PODXL2: variants seen among roughly 807,000 people sequenced by gnomAD.
PODXL2 encodes the protein podocalyxin like 2.
A neutral mutation model predicts 53.4 loss-of-function variants in PODXL2; 17 were observed. The ratio of observed to expected loss-of-function variants is 0.32; its 90% CI spans 0.22 to 0.48. The LOEUF (loss-of-function observed/expected upper bound fraction) is 0.48, where lower values mean the gene tolerates loss of function less well. Among genes scored for constraint, PODXL2 ranks in the 20% least tolerant of loss-of-function variants. The pLI is 0.99. For synonymous variants in PODXL2, 311 were observed against 306.7 expected, an observed-to-expected ratio of 1.01 and a Z score of -0.15; for missense variants, 673 against 760.0, an observed-to-expected ratio of 0.89 and a Z score of 1.35.
intron 2 of PODXL2, among the ~76,000 whole-genome samples, chr3:127,654,036 G>T (rs1474167116): frequency 6.6e-6 from 1 of 151,690 alleles, no homozygotes; most frequent in Non-Finnish European, 1.5e-5. Flanking sequence ...TTCAAACTTT[G>T]CCAGTTTTCC....
chr3:127,640,655 C>T (rs964992656), intron 2 of PODXL2, among the ~76,000 whole-genome samples: 2 of 151,714 alleles, frequency 1.3e-5, no homozygotes, highest in East Asian at 1.9e-4. Context: ...GAGCTGAGAT[C>T]GCACCACTGC....
intron 6 of PODXL2, among the ~76,000 whole-genome samples, chr3:127,670,004 T>C (rs2074822004): frequency 5.9e-5 from 9 of 152,240 alleles, no homozygotes; most frequent in Admixed American, 5.9e-4. Flanking sequence ...CTGCCATTTT[T>C]GGCAGGAGAG....
chr3:127,643,610 T>G (rs2074634850), intron 2 of PODXL2, among the ~76,000 whole-genome samples: 1 of 151,464 alleles, frequency 6.6e-6, no homozygotes, highest in Non-Finnish European at 1.5e-5. Context: ...CCTTCTATTC[T>G]TTTTTTTTAA....
intron 1 of PODXL2, among the ~76,000 whole-genome samples, chr3:127,631,144 T>C (rs1448948397): frequency 6.6e-6 from 1 of 152,120 alleles, no homozygotes; most frequent in African/African-American, 2.4e-5. Flanking sequence ...TCTCAGGTGC[T>C]TACAGAGTGG....
In PODXL2 at chr3:127,660,670, C is replaced by G. The variant is rs1458005048; in HGVS notation, c.642C>G (p.Thr214=). 6.2e-7 allele frequency: 1 copy of G among 1,614,164 alleles called. No individual in the cohort carries two copies. The highest frequency in any genetic ancestry group is 8.5e-7 in the Non-Finnish European group (1 of 1,180,034). The change falls in exon 3 of 8, where the codon ACC becomes ACG. Residue 214 remains threonine, a synonymous_variant. Transcript: ENST00000342480. ...TTTCTCTCACCAGCAGCAGCCAGAC[C>G]CCAGGGGCCACCAAAAGCAGGCATG... ...RDFSLTSSSQ[T]PGATKSRHED...
At chr3:127,646,839 G>A (rs145261605) in intron 2 of PODXL2, among the ~76,000 whole-genome samples, 49 of 152,308 alleles carry the variant, frequency 3.2e-4, no homozygotes, top group African/African-American at 1.0e-3. Context: ...TGGCAGAGCC[G>A]AATCTGGAGT....
intron 4 of PODXL2, among the ~76,000 whole-genome samples, chr3:127,665,592 A>G (rs2074791504): frequency 2.0e-5 from 3 of 152,260 alleles, no homozygotes; most frequent in Admixed American, 6.5e-5. Context: ...AGAAATCCTT[A>G]CTGTAGAGAT....
chr3:127,663,252 C>T (rs1212903818), intron 4 of PODXL2, among the ~76,000 whole-genome samples: 1 of 152,214 alleles, frequency 6.6e-6, no homozygotes, highest in African/African-American at 2.4e-5. Context: ...TAACCAGGGC[C>T]CCTATTCCGG....
chr3:127,660,761 C>T lies in PODXL2; in HGVS notation c.733C>T (p.Leu245=), dbSNP rs779815254. ...VESSMGPSLL[L]PSVTPTTVTP... Reference sequence around the variant, plus strand: ...GAGCAGCATGGGGCCCAGCTTGCTGCTGCCTTCAGTCACCCCAACTACAGT... The same window carrying T: ...GAGCAGCATGGGGCCCAGCTTGCTGTTGCCTTCAGTCACCCCAACTACAGT... Residue 245 remains leucine (L), a synonymous_variant, in exon 3 of 8, where the codon CTG becomes TTG. Transcript: ENST00000342480. 6.2e-7 allele frequency: 1 copy of T among 1,614,200 alleles called. No individual in the cohort carries two copies. The highest frequency in any genetic ancestry group is 8.5e-7 in the Non-Finnish European group (1 of 1,180,026).
rs1359448414 is a variant in PODXL2 at position 127,672,801 on chromosome 3, C to A, written c.*321C>A. The A allele has an allele frequency of 3.4e-5, 11 of 327,756 alleles. No individual in the cohort carries two copies. The highest frequency in any genetic ancestry group is 2.0e-4 in the African/African-American group (9 of 46,090). The allele number at this position is 327,756 out of a possible 1,614,324, so 20.3% of individuals were successfully genotyped here. ...CGCCCGGAGACCACGCCGGGCCCAG[C>A]GCGTCTGCCTTCTTGACTCATTCTT... On this transcript the variant is annotated 3_prime_UTR_variant, in exon 8 of 8. Transcript: ENST00000342480.
Position 127,629,412 on chromosome 3 carries a change from G to C in PODXL2, c.70+123G>C. The C allele has an allele frequency of 1.3e-6, 1 of 777,748 alleles. No homozygotes were observed. Among genetic ancestry groups the C allele is most frequent in the Non-Finnish European group, 1.6e-6 (1 of 640,806 alleles). The allele number at this position is 777,748 out of a possible 1,614,324, so 48.2% of individuals were successfully genotyped here. ...GCGCCGCCGGGAGCGCGCGTGTCCC[G>C]GCCGGGCCGCGGCGCCGCCCCGACA... On this transcript the variant is annotated intron_variant, in intron 1 of 7. Transcript: ENST00000342480. The surrounding 1 kb of genome is among the most constrained non-coding windows in gnomAD (Gnocchi z 6.4).
rs1230308373 is a variant in PODXL2 at position 127,639,461 on chromosome 3, A to C, written c.287A>C (p.Gln96Pro). ...GAGTCTCGGATTCTGCAGCCACCAC[A>C]GTACTTCTGGGAAGAGGAGGAAGAG... ...NEESRILQPP[Q>P]YFWEEEEELN... The change falls in exon 2 of 8, where the codon CAG becomes CCG. Residue 96 changes from glutamine to proline, a missense_variant. Transcript: ENST00000342480. 1 of 1,614,248 alleles carries C rather than the reference A, an allele frequency of 6.2e-7. No homozygotes were observed. Among genetic ancestry groups the C allele is most frequent in the East Asian group, 2.2e-5 (1 of 44,886 alleles).
intron 7 of PODXL2, 29 bp downstream of exon 7, chr3:127,671,642 G>T: frequency 6.2e-7 from 1 of 1,604,528 alleles, no homozygotes; most frequent in Admixed American, 1.7e-5. Context: ...GGGGCTGGGG[G>T]CCAGTTGAGA....
intron 2 of PODXL2, among the ~76,000 whole-genome samples, chr3:127,659,059 C>G (rs1388260396): frequency 3.3e-5 from 5 of 151,904 alleles, no homozygotes; most frequent in Non-Finnish European, 5.9e-5. Flanking sequence ...TATTGACTTT[C>G]AATATCCAAG....
At position 127,669,134 on chromosome 3, in the gene PODXL2, C is replaced by A. The variant is rs201452145; in HGVS notation, c.1364-7C>A. On this transcript the variant is annotated splice_polypyrimidine_tract_variant and splice_region_variant and intron_variant, in intron 5 of 7. Coordinates refer to ENST00000342480, the MANE Select transcript of PODXL2 (RefSeq NM_015720.4). The stretch of plus-strand genomic sequence containing the variant: ...TCACACTGATAGTGGTGTTTCTTAC[C>A]CCCCAGGGGTGGTGCCCACTCAAGA... The A allele has an allele frequency of 3.8e-6, 6 of 1,597,214 alleles. No homozygotes were observed. The East Asian group carries it at 1.4e-4, about 37-fold the overall frequency.
intron 1 of PODXL2, among the ~76,000 whole-genome samples, chr3:127,630,558 A>G (rs145022465): frequency 6.6e-6 from 1 of 152,256 alleles, no homozygotes; most frequent in Non-Finnish European, 1.5e-5. Flanking sequence ...ATGGGAAGGG[A>G]GGAACAGTCT....
intron 2 of PODXL2, among the ~76,000 whole-genome samples, chr3:127,642,969 A>C (rs1397611320): frequency 4.6e-5 from 7 of 152,182 alleles, no homozygotes; most frequent in Non-Finnish European, 1.0e-4. Flanking sequence ...ACCATCATAC[A>C]TTTCGAGCAC....
chr3:127,670,925 G>GC (rs2074827995), intron 6 of PODXL2, among the ~76,000 whole-genome samples: 1 of 152,230 alleles, frequency 6.6e-6, no homozygotes, highest in Admixed American at 6.5e-5. Flanking sequence ...AGCCGGGGTG[G>GC]CCCCCCATGT....
chr3:127,647,239 A>G (rs188285361), intron 2 of PODXL2, among the ~76,000 whole-genome samples: 22 of 152,282 alleles, frequency 1.4e-4, no homozygotes, highest in Non-Finnish European at 2.4e-4. Context: ...CAAAGCAGGG[A>G]AAAAAACATG....
Sources: allele counts gnomAD v4.1 joint callset (sites outside exome capture counted in the v4.1 genomes callset), GRCh38; gene constraint gnomAD v4.1.1; non-coding constraint Gnocchi (gnomAD v3.1); transcripts MANE v1.5; gene names NCBI Gene and HGNC (gene_info 2026-07-23, HGNC 2026-07-21).